The following TM2D3 variants were observed in gnomAD, a reference collection of about 807,000 sequenced individuals.
TM2D3 encodes the protein TM2 domain-containing protein 3.
Under a neutral mutation model 27.3 loss-of-function variants are expected in TM2D3, and 33 were observed. The observed-to-expected ratio is 1.21, with a 90% CI of 0.92 to 1.61. The LOEUF (loss-of-function observed/expected upper bound fraction) is 1.61, where lower values mean the gene tolerates loss of function less well. Ranked by LOEUF, TM2D3 falls within the 40% of genes most tolerant of loss-of-function variation. TM2D3 has a pLI of 0.00. For synonymous variants in TM2D3, 138 were observed against 122.2 expected (o/e 1.13, Z -0.85); for missense variants, 364 against 320.8 (o/e 1.13, Z -1.03).
chr15:101,644,257 T>C (rs1039197026), intron 5 of TM2D3, among the ~76,000 whole-genome samples: 2 of 152,174 alleles, frequency 1.3e-5, no homozygotes, highest in Admixed American at 6.5e-5. Flanking sequence ...TCTAATGCAG[T>C]GGTTCTCAGC....
downstream of TM2D3, among the ~76,000 whole-genome samples, chr15:101,638,773 C>G (rs1412282934): frequency 1.3e-5 from 2 of 152,084 alleles, no homozygotes; most frequent in East Asian, 3.9e-4. Context: ...TGGTTTTGGG[C>G]AGGAAGGAGG....
At chr15:101,646,479 G>A in intron 4 of TM2D3, 1 of 435,942 alleles carries the variant, frequency 2.3e-6, no homozygotes, top group Non-Finnish European at 4.2e-6. Context: ...GTCAATTACT[G>A]TGTATTATGC....
At chr15:101,647,878 T>C (rs1390305388) in intron 3 of TM2D3, among the ~76,000 whole-genome samples, 2 of 152,032 alleles carry the variant, frequency 1.3e-5, no homozygotes, top group East Asian at 3.9e-4. Context: ...TGTATACATA[T>C]ATATACACAT....
At chr15:101,651,375 G>C (rs1896963153) in intron 2 of TM2D3, 1 of 304,724 alleles carries the variant, frequency 3.3e-6, no homozygotes, top group African/African-American at 2.2e-5. Flanking sequence ...CAGGGTTTTA[G>C]CAGTAGAGGA....
At chr15:101,635,328 G>A (rs1481036500) in intron 4 of TM2D3, 1 of 152,060 alleles carries the variant, frequency 6.6e-6, no homozygotes, top group Non-Finnish European at 1.5e-5. Context: ...TCAAATTAGT[G>A]ACCCAAGCAT....
chr15:101,646,272 A>C (rs1277241221), intron 4 of TM2D3: 1 of 167,636 alleles, frequency 6.0e-6, no homozygotes, highest in East Asian at 1.6e-4. Context: ...CGGTTCTAAA[A>C]CATGCATTAT....
chr15:101,638,703 C>T (rs780411436), downstream of TM2D3, among the ~76,000 whole-genome samples: 1 of 152,068 alleles, frequency 6.6e-6, no homozygotes, highest in African/African-American at 2.4e-5. Flanking sequence ...AATTTTTTGA[C>T]GTTTTTGGCA....
At position 101,645,131 on chromosome 15, in the gene TM2D3, G is replaced by C. The variant is rs752799536; in HGVS notation, c.534C>G (p.Cys178Trp). ...GNRTFPKMLYCNWTGGYKWST... is the reference protein window; with the variant it reads ...GNRTFPKMLYWNWTGGYKWST... ...ACCACTTATAGCCTCCAGTCCAATT[G>C]CAATATAGCATTTTGGGAAAAGTAC... is the stretch of plus-strand genomic sequence containing the variant. The change falls in exon 5 of 6, where the codon TGC becomes TGG. Residue 178 changes from cysteine to tryptophan, a missense_variant. By Grantham distance (215) the Cys-to-Trp change is radical. Transcript: ENST00000333202. The C allele has an allele frequency of 9.3e-6, 15 of 1,612,078 alleles. No individual in the cohort carries two copies. The highest frequency in any genetic ancestry group is 5.4e-5 in the African/African-American group (4 of 74,420).
Position 101,645,102 on chromosome 15 carries a change from G to A in TM2D3, c.563C>T (p.Thr188Met), listed in dbSNP as rs761672304. 1.7e-5 allele frequency: 27 copies of A among 1,613,108 alleles called. No homozygotes were observed. The highest frequency in any genetic ancestry group is 3.3e-5 in the South Asian group (3 of 90,886). Residue 188 changes from threonine to methionine, a missense_variant, in exon 5 of 6, where the codon ACG becomes ATG. Thr to Met is a moderately conservative substitution (Grantham distance 81). Coordinates refer to ENST00000333202, the MANE Select transcript of TM2D3 (RefSeq NM_078474.3). The stretch of plus-strand genomic sequence containing the variant: ...CAAGGCTTACCTTAGAGCCAGAGCC[G>A]TAGACCACTTATAGCCTCCAGTCCA... ...CNWTGGYKWSTALALSITLGG... is the reference protein window; with the variant it reads ...CNWTGGYKWSMALALSITLGG...
At chr15:101,636,756 G>T in intron 4 of TM2D3, 1 of 213,498 alleles carries the variant, frequency 4.7e-6, no homozygotes, top group Non-Finnish European at 1.0e-5. Flanking sequence ...TGTTTTCCTG[G>T]GCAGCTACAT....
chr15:101,645,460 G>A (rs1896780644), intron 4 of TM2D3: 2 of 328,826 alleles, frequency 6.1e-6, no homozygotes, highest in East Asian at 7.1e-5. Flanking sequence ...TCACCCAATA[G>A]GAAAAGAAGA....
At chr15:101,645,426 CA>C in intron 4 of TM2D3, 1 of 453,996 alleles carries the variant, frequency 2.2e-6, no homozygotes, top group South Asian at 2.4e-5. Context: ...GTATATAAGA[CA>C]GTGTAGTCTT....
chr15:101,646,504 GT>G (rs1378445812), intron 4 of TM2D3: 19 of 472,902 alleles, frequency 4.0e-5, no homozygotes, highest in Admixed American at 2.1e-4. Flanking sequence ...TACTTCAAAT[GT>G]TTTTCTTATT....
At chr15:101,646,476 A>G (rs1000827214) in intron 4 of TM2D3, 6 of 326,892 alleles carry the variant, frequency 1.8e-5, no homozygotes, top group African/African-American at 5.7e-5. Flanking sequence ...AAGGTCAATT[A>G]CTGTGTATTA....
downstream of TM2D3, among the ~76,000 whole-genome samples, chr15:101,641,039 A>G (rs1896656135): frequency 6.6e-6 from 1 of 152,228 alleles, no homozygotes; most frequent in African/African-American, 2.4e-5. Context: ...TCAACAGGGA[A>G]GTATTAGATT....
intron 3 of TM2D3, among the ~76,000 whole-genome samples, chr15:101,648,565 G>A (rs1397658007): frequency 6.6e-6 from 1 of 152,126 alleles, no homozygotes; most frequent in African/African-American, 2.4e-5. Flanking sequence ...CCCAGCCGCC[G>A]GGAGCCCCTG....
chr15:101,645,277 A>C, intron 4 of TM2D3, 115 bp from the exon 5 acceptor site: 1 of 832,872 alleles, frequency 1.2e-6, no homozygotes, highest in Non-Finnish European at 1.9e-6. Context: ...TCTTTACGGT[A>C]ATACATGTTG....
At chr15:101,649,005 A>T (rs550783621) in intron 3 of TM2D3, among the ~76,000 whole-genome samples, 2 of 152,346 alleles carry the variant, frequency 1.3e-5, no homozygotes, top group African/African-American at 4.8e-5. Context: ...TGAGCATCTG[A>T]CCCTTATACT....
At chr15:101,645,295 G>A in intron 4 of TM2D3, 133 bp from the exon 5 acceptor site, 1 of 721,950 alleles carries the variant, frequency 1.4e-6, no homozygotes, top group Non-Finnish European at 2.3e-6. Context: ...TTGAAGTGAA[G>A]AGTACAAAGC....
Sources: gnomAD v4.1 joint callset for allele counts (sites outside exome capture counted in the v4.1 genomes callset) on GRCh38, gnomAD v4.1.1 for gene constraint, MANE v1.5 for transcripts, NCBI Gene and HGNC (gene_info 2026-07-23, HGNC 2026-07-21) for gene names.